DAPK2: variants seen among roughly 807,000 people sequenced by gnomAD.
DAPK2 encodes the protein death-associated protein kinase 2.
In DAPK2, 35 loss-of-function variants were observed where a neutral mutation model predicts 44.1. That is an observed-to-expected ratio of 0.79 (90% CI 0.61 to 1.05). The LOEUF is 1.05. Ranked by LOEUF, DAPK2 falls within the 50% of genes least tolerant of loss-of-function variation. DAPK2 has a pLI of 0.00. For synonymous variants in DAPK2, 174 were observed against 182.6 expected (o/e 0.95, Z 0.38); for missense variants, 453 against 483.2 (o/e 0.94, Z 0.59).
Position 63,939,418 on chromosome 15 carries a change from G to T in DAPK2, c.454-57C>A, listed in dbSNP as rs889525456. 19 of 1,528,246 alleles carry T rather than the reference G, an allele frequency of 1.2e-5. No homozygotes were observed. The highest frequency in any genetic ancestry group is 4.6e-5 in the East Asian group (2 of 43,606). 94.7% of individuals were successfully genotyped at this position (1,528,246 alleles called of 1,614,324 possible). Reference sequence around the variant, plus strand: ...GAAGGAAGAAAAGAAAAAAAAAGACGGTAATTAAAGGCTGGTTGGTTCGTG... The same window carrying T: ...GAAGGAAGAAAAGAAAAAAAAAGACTGTAATTAAAGGCTGGTTGGTTCGTG... On this transcript the variant is annotated intron_variant, in intron 3 of 10. Coordinates refer to ENST00000261891, the Ensembl canonical transcript of DAPK2. This position sits in a 1 kb window ranked among gnomAD's most constrained non-coding sequence, Gnocchi z 4.3.
intron 3 of DAPK2, among the ~76,000 whole-genome samples, chr15:63,946,010 C>T (rs2077440092): frequency 6.6e-6 from 1 of 152,222 alleles, no homozygotes; most frequent in Non-Finnish European, 1.5e-5. Flanking sequence ...TTACTTCAAC[C>T]AAATACTTCA....
rs1273735320 is a variant in DAPK2, at chr15:63,990,128, C to T, written c.93-6374G>A. Among the ~76,000 whole-genome samples the T allele has an allele frequency of 1.3e-5, 2 of 152,126 alleles. No homozygotes were observed. The highest frequency in any genetic ancestry group is 2.9e-5 in the Non-Finnish European group (2 of 68,014). On this transcript the variant is annotated intron_variant, in intron 1 of 10. Transcript: ENST00000261891. The surrounding 1 kb of genome is among the most constrained non-coding windows in gnomAD (Gnocchi z 4.3). The stretch of plus-strand genomic sequence containing the variant: ...AGACTTGTTCTGTCAACTACCAGGG[C>T]CAAGCTGCTAAAGGCTTTGAAAGAT...
At chr15:63,942,921 G>C (rs2077349249) in intron 3 of DAPK2, among the ~76,000 whole-genome samples, 1 of 152,076 alleles carries the variant, frequency 6.6e-6, no homozygotes, top group Non-Finnish European at 1.5e-5. Flanking sequence ...TTTTGTTCCT[G>C]TCATCTCCCC....
At chr15:64,006,737 G>A (rs977939845) in intron 1 of DAPK2, among the ~76,000 whole-genome samples, 8 of 152,176 alleles carry the variant, frequency 5.3e-5, no homozygotes, top group Admixed American at 1.3e-4. Context: ...GACCAGACAG[G>A]TCTCCTGTCA....
chr15:63,977,070 A>G (rs896335016), intron 2 of DAPK2, among the ~76,000 whole-genome samples: 4 of 150,896 alleles, frequency 2.7e-5, no homozygotes, highest in Non-Finnish European at 5.9e-5. Context: ...TAGTTTTCCA[A>G]CATATCAATG....
chr15:63,933,856 A>C (rs2077050642), intron 4 of DAPK2, among the ~76,000 whole-genome samples: 1 of 152,060 alleles, frequency 6.6e-6, no homozygotes, highest in Admixed American at 6.5e-5. Flanking sequence ...CAGCCTCCCA[A>C]AGTGCTGGGA....
chr15:63,979,783 G>A (rs1470821507), intron 2 of DAPK2, among the ~76,000 whole-genome samples: 1 of 152,124 alleles, frequency 6.6e-6, no homozygotes, highest in African/African-American at 2.4e-5. Context: ...AGGCATGGGG[G>A]CACATACTGG....
At chr15:64,005,551 G>A (rs978563300) in intron 1 of DAPK2, among the ~76,000 whole-genome samples, 2 of 152,018 alleles carry the variant, frequency 1.3e-5, no homozygotes, top group Admixed American at 6.6e-5. Flanking sequence ...CCCAACATAG[G>A]AATGGGCTTA....
chr15:63,969,854 A>G (rs2078162746), intron 3 of DAPK2, among the ~76,000 whole-genome samples: 1 of 152,070 alleles, frequency 6.6e-6, no homozygotes, highest in African/African-American at 2.4e-5. Flanking sequence ...AGGGACTCAT[A>G]TGGGAACTGA....
At chr15:63,996,046 T>A (rs1180914302) in intron 1 of DAPK2, among the ~76,000 whole-genome samples, 1 of 152,232 alleles carries the variant, frequency 6.6e-6, no homozygotes, top group African/African-American at 2.4e-5. Flanking sequence ...ACAACTATGA[T>A]GACCTAGATG....
intron 1 of DAPK2, among the ~76,000 whole-genome samples, chr15:64,024,404 T>C (rs2079777952): frequency 6.6e-6 from 1 of 152,212 alleles, no homozygotes; most frequent in South Asian, 2.1e-4. Context: ...CAGGACTTCC[T>C]GTTGCCTGGA....
At chr15:63,991,368 G>A (rs1225593439) in intron 1 of DAPK2, 3 of 455,620 alleles carry the variant, frequency 6.6e-6, no homozygotes, top group Non-Finnish European at 1.3e-5. Flanking sequence ...ACAGAAGAGG[G>A]CACAGGGCTG....
intron 1 of DAPK2, among the ~76,000 whole-genome samples, chr15:64,002,971 GA>G: frequency 2.8e-5 from 1 of 35,518 alleles, no homozygotes; most frequent in African/African-American, 7.0e-5. Flanking sequence ...TGTGTCGTGG[GA>G]CCTGTGTGTG....
chr15:63,982,600 C>T (rs2078553071), intron 2 of DAPK2, among the ~76,000 whole-genome samples: 1 of 152,204 alleles, frequency 6.6e-6, no homozygotes, highest in Admixed American at 6.5e-5. Context: ...CAGGACGATA[C>T]CAGCGTGGCT....
chr15:63,964,791 C>T (rs957103358), intron 3 of DAPK2, among the ~76,000 whole-genome samples: 2 of 151,992 alleles, frequency 1.3e-5, no homozygotes, highest in Admixed American at 1.3e-4. Context: ...CTGTTTGATT[C>T]TTTTTAGTTA....
At chr15:64,033,893 C>T (rs558752647) in intron 1 of DAPK2, among the ~76,000 whole-genome samples, 44 of 148,430 alleles carry the variant, frequency 3.0e-4, no homozygotes, top group Non-Finnish European at 5.0e-4. Context: ...CCAGCCTGGG[C>T]GACAGAGTGA....
chr15:64,024,836 C>T (rs1193173777), intron 1 of DAPK2, among the ~76,000 whole-genome samples: 1 of 152,180 alleles, frequency 6.6e-6, no homozygotes, highest in Non-Finnish European at 1.5e-5. Context: ...TAAACCTCAC[C>T]CCAATGAGGG....
rs576420540 is a variant in DAPK2 at position 63,941,927 on chromosome 15, T to A, written c.454-2566A>T. Among the ~76,000 whole-genome samples, 18 of 152,278 alleles carry A rather than the reference T, an allele frequency of 1.2e-4. No homozygotes were observed. In the South Asian group the frequency reaches 3.7e-3, roughly 32 times the overall value. ...ATGCAGTCAGCTGCAACCTCCCAACTGCCAACTACCTCCCAGGCAGGCAGT... is the reference window on the plus strand; with the variant it reads ...ATGCAGTCAGCTGCAACCTCCCAACAGCCAACTACCTCCCAGGCAGGCAGT... On this transcript the variant is annotated intron_variant, in intron 3 of 10. Coordinates refer to ENST00000261891, the Ensembl canonical transcript of DAPK2.
intron 1 of DAPK2, among the ~76,000 whole-genome samples, chr15:64,028,382 T>G (rs2079914673): frequency 6.6e-6 from 1 of 152,172 alleles, no homozygotes; most frequent in Non-Finnish European, 1.5e-5. Context: ...AATTGTCCAG[T>G]AATCTTCAAA....
Sources: gnomAD v4.1 joint callset for allele counts (sites outside exome capture counted in the v4.1 genomes callset) on GRCh38, gnomAD v4.1.1 for gene constraint, Gnocchi (gnomAD v3.1) non-coding constraint, MANE v1.5 for transcripts, NCBI Gene and HGNC (gene_info 2026-07-23, HGNC 2026-07-21) for gene names.